Variants in ABCC9 observed in about 807,000 individuals in gnomAD.
ABCC9 encodes the protein ATP binding cassette subfamily C member 9.
A neutral mutation model predicts 188.3 loss-of-function variants in ABCC9; 95 were observed. That is an observed-to-expected ratio of 0.50 (90% CI 0.43 to 0.60). The LOEUF (loss-of-function observed/expected upper bound fraction) is 0.60. Ranked by LOEUF, ABCC9 falls within the 20% of genes least tolerant of loss-of-function variation. The pLI is 0.00. For missense variants in ABCC9, 1,102 were observed against 1,876.3 expected (o/e 0.59, Z 7.62); for synonymous variants, 659 against 652.7 (o/e 1.01, Z -0.15).
chr12:21,798,651 G>T lies in ABCC9; in HGVS notation c.*2393C>A, dbSNP rs1941277019. The T allele has an allele frequency of 6.6e-6, 1 of 152,064 alleles. No homozygotes were observed. The highest frequency in any genetic ancestry group is 1.5e-5 in the Non-Finnish European group (1 of 68,038). The allele number at this position is 152,064 out of a possible 1,614,324, so 9.4% of individuals were successfully genotyped here. A position where few individuals can be genotyped will look rare whatever the true frequency, so the allele number is the denominator to read the frequency against. On this transcript the variant is annotated 3_prime_UTR_variant, in exon 40 of 40. Transcript: ENST00000261200. ...TGATGGTAGTTTCTTTTGCTGTGCAGAAGCTCTTTAGTTTAACCATTGTGG... is the reference window on the plus strand; with the variant it reads ...TGATGGTAGTTTCTTTTGCTGTGCATAAGCTCTTTAGTTTAACCATTGTGG...
intron 30 of ABCC9, among the ~76,000 whole-genome samples, chr12:21,835,015 A>G (rs956481803): frequency 9.9e-5 from 15 of 152,056 alleles, no homozygotes; most frequent in African/African-American, 3.6e-4. Flanking sequence ...AGGCTGGCCT[A>G]TGTTGGGGTT....
chr12:21,888,761 G>A (rs1267815246), intron 14 of ABCC9, among the ~76,000 whole-genome samples: 1 of 151,992 alleles, frequency 6.6e-6, no homozygotes, highest in African/African-American at 2.4e-5. Flanking sequence ...AGTGTCATAG[G>A]ATCAGGAGCA....
At chr12:21,915,268 A>G (rs1198188886) in intron 7 of ABCC9, among the ~76,000 whole-genome samples, 9 of 18,604 alleles carry the variant, frequency 4.8e-4, no homozygotes, top group African/African-American at 6.0e-4. Context: ...TGTGTATATA[A>G]TGTGTATATA....
At chr12:21,913,782 TA>T (rs1948425250) in intron 7 of ABCC9, among the ~76,000 whole-genome samples, 1 of 152,158 alleles carries the variant, frequency 6.6e-6, no homozygotes, top group Non-Finnish European at 1.5e-5. Flanking sequence ...AATTAAAATT[TA>T]GGGAGGAGGT....
Position 21,818,167 on chromosome 12 carries a change from G to T in ABCC9, c.3754C>A (p.Leu1252Ile). The stretch of plus-strand genomic sequence containing the variant: ...ATACCTACCGTAAGTGCATACAGAA[G>T]ACCCAAGCCTACCAATCCAGAATTC... ...SSNSGLVGLG[L>I]LYALTITNYL... Residue 1252 changes from leucine (L) to isoleucine (I), a missense_variant, in exon 32 of 40, where the codon CTT becomes ATT. By Grantham distance (5) the Leu-to-Ile change is conservative (BLOSUM62 2). Around this residue, in one of 12 missense-constraint regions of ABCC9, gnomAD observed 143 missense variants for 225.6 expected, o/e 0.63. Coordinates refer to ENST00000261200, the MANE Select transcript of ABCC9 (RefSeq NM_020297.4). 1 of 1,613,152 alleles carries T rather than the reference G, an allele frequency of 6.2e-7. No homozygotes were observed. Among genetic ancestry groups the T allele is most frequent in the Non-Finnish European group, 8.5e-7 (1 of 1,179,174 alleles).
At chr12:21,838,685 C>T (rs1227445856) in intron 29 of ABCC9, among the ~76,000 whole-genome samples, 2 of 151,972 alleles carry the variant, frequency 1.3e-5, no homozygotes, top group African/African-American at 2.4e-5. Flanking sequence ...GTAAGGGTGA[C>T]AGTGGATTGT....
At chr12:21,925,573 C>T (rs1043413344) in intron 5 of ABCC9, 2 of 700,692 alleles carry the variant, frequency 2.9e-6, no homozygotes, top group East Asian at 5.4e-5. Flanking sequence ...GAGGAGATGA[C>T]TTGTTCACAG....
chr12:21,869,314 T>A (rs1386374361), intron 18 of ABCC9, among the ~76,000 whole-genome samples: 1 of 152,208 alleles, frequency 6.6e-6, no homozygotes, highest in Non-Finnish European at 1.5e-5. Context: ...CTTTGGTTCA[T>A]TCCACAGCTA....
At chr12:21,828,759 G>A (rs1384818743) in intron 31 of ABCC9, among the ~76,000 whole-genome samples, 199 bp downstream of exon 31, 2 of 152,070 alleles carry the variant, frequency 1.3e-5, no homozygotes, top group Non-Finnish European at 2.9e-5. Context: ...TGCTTTTTGG[G>A]CTATTTGTCT....
chr12:21,868,393 A>T (rs923520797), intron 18 of ABCC9, among the ~76,000 whole-genome samples: 2 of 152,168 alleles, frequency 1.3e-5, no homozygotes, highest in African/African-American at 4.8e-5. Context: ...TAATCCCAAC[A>T]CTTTGGGAGG....
In ABCC9 at chr12:21,845,592, AC is replaced by A; in HGVS notation, c.3096+10del. ...CTTGATGATTTAAAAACAAAACCGA[AC>A]CAATTGTACCTGATCAGCTTTTCCA... On this transcript the variant is annotated intron_variant, in intron 26 of 39. Transcript: ENST00000261200. The A allele has an allele frequency of 6.2e-7, 1 of 1,610,238 alleles. No individual in the cohort carries two copies. The highest frequency in any genetic ancestry group is 8.5e-7 in the Non-Finnish European group (1 of 1,176,930).
chr12:21,907,951 G>A, intron 11 of ABCC9, 126 bp downstream of exon 11: 1 of 1,114,158 alleles, frequency 9.0e-7, no homozygotes, highest in South Asian at 1.5e-5. Flanking sequence ...ATTTGCTGCT[G>A]AAGAACTGAA....
Position 21,852,450 on chromosome 12 carries a change from C to G in ABCC9, c.2561G>C (p.Gly854Ala), listed in dbSNP as rs1278642477. The change falls in exon 23 of 40, where the codon GGG (glycine) becomes GCG (alanine). Residue 854 changes from glycine to alanine, a missense_variant. Coordinates refer to ENST00000261200, the MANE Select transcript of ABCC9 (RefSeq NM_020297.4). ...GTCATCTTGCAGGAATTTCAAAATC[C>G]CCTCCTGCATTAAATGATCACTCAA... Reference protein sequence around the residue: ...IHLSDHLMQEGILKFLQDDKR... With the variant: ...IHLSDHLMQEAILKFLQDDKR... 3.7e-6 allele frequency: 6 copies of G among 1,613,444 alleles called. No homozygotes were observed. The highest frequency in any genetic ancestry group is 5.1e-6 in the Non-Finnish European group (6 of 1,179,876).
chr12:21,844,945 AG>A (rs1944568300), intron 26 of ABCC9, 30 bp from the exon 27 acceptor site: 2 of 1,612,182 alleles, frequency 1.2e-6, no homozygotes, highest in Non-Finnish European at 1.7e-6. Flanking sequence ...AAAAGCACAT[AG>A]GAAATTATCA....
Position 21,803,007 on chromosome 12 carries a change from C to T in ABCC9, c.4513-1826G>A, listed in dbSNP as rs137955254. On this transcript the variant is annotated intron_variant, in intron 39 of 39. Coordinates refer to ENST00000261200, the MANE Select transcript of ABCC9 (RefSeq NM_020297.4). ...CAATACCCATGACAAGCCTATCATT[C>T]GCTGAATATTGGTAACAAATTATGT... Among the ~76,000 whole-genome samples, 458 of 152,054 alleles carry T rather than the reference C, an allele frequency of 3.0e-3. 2 individuals are homozygous for T. The highest frequency in any genetic ancestry group is 6.8e-3 in the Middle Eastern group (2 of 294).
At chr12:21,873,388 C>G (rs1173201100) in intron 17 of ABCC9, among the ~76,000 whole-genome samples, 6 of 151,976 alleles carry the variant, frequency 3.9e-5, no homozygotes, top group African/African-American at 1.4e-4. Flanking sequence ...AACATATACA[C>G]TGAAAACTAT....
At chr12:21,858,388 A>T (rs1355276759) in intron 22 of ABCC9, among the ~76,000 whole-genome samples, 8 of 151,980 alleles carry the variant, frequency 5.3e-5, no homozygotes, top group African/African-American at 1.9e-4. Context: ...AGCCTGACCA[A>T]TATGGTGAAA....
intron 30 of ABCC9, among the ~76,000 whole-genome samples, chr12:21,833,421 T>C (rs1280644481): frequency 1.3e-5 from 2 of 151,868 alleles, no homozygotes; most frequent in African/African-American, 4.8e-5. Context: ...TAATATTTTG[T>C]TCTACTTAAA....
In ABCC9 at chr12:21,800,066, C is replaced by T. The variant is rs1941358255; in HGVS notation, c.*978G>A. 2 of 152,168 alleles carry T rather than the reference C, an allele frequency of 1.3e-5. No individual in the cohort carries two copies. Among genetic ancestry groups the T allele is most frequent in the Admixed American group, 1.3e-4 (2 of 15,280 alleles). The allele number at this position is 152,168 out of a possible 1,614,324, so 9.4% of individuals were successfully genotyped here. A position where few individuals can be genotyped will look rare whatever the true frequency, so the allele number is the denominator to read the frequency against. On this transcript the variant is annotated 3_prime_UTR_variant, in exon 40 of 40. Transcript: ENST00000261200. ...AAACTCTTTCAGCTAGAAATAGACA[C>T]TTGTTTTATATATATATAACTTCAA...
Sources: gnomAD v4.1 joint callset for allele counts (sites outside exome capture counted in the v4.1 genomes callset) on GRCh38, gnomAD v4.1.1 for gene constraint, gnomAD v4.1.1 regional missense constraint, MANE v1.5 for transcripts, NCBI Gene and HGNC (gene_info 2026-07-23, HGNC 2026-07-21) for gene names.